The following DLGAP1 variants were observed in gnomAD, a reference collection of about 807,000 sequenced individuals.
DLGAP1 encodes DLG associated protein 1.
In DLGAP1, 11 loss-of-function variants were observed where a neutral mutation model predicts 90.8. The ratio of observed to expected loss-of-function variants is 0.12; its 90% CI spans 0.08 to 0.20. DLGAP1 has a LOEUF of 0.20. Among genes scored for constraint, DLGAP1 ranks in the 10% least tolerant of loss-of-function variants. The pLI is 1.00. For missense variants in DLGAP1, 1,050 were observed against 1,333.8 expected, an observed-to-expected ratio of 0.79 and a Z score of 3.31; for synonymous variants, 558 against 540.7, an observed-to-expected ratio of 1.03 and a Z score of -0.44.
intron 4 of DLGAP1, among the ~76,000 whole-genome samples, chr18:3,877,055 G>A (rs574140209): frequency 1.3e-5 from 2 of 152,086 alleles, no homozygotes; most frequent in East Asian, 3.9e-4. Context: ...CCAGATTGTG[G>A]GGCTTTAAAT....
At chr18:3,658,840 C>T (rs150862023) in intron 7 of DLGAP1, among the ~76,000 whole-genome samples, 49 of 152,234 alleles carry the variant, frequency 3.2e-4, no homozygotes, top group Non-Finnish European at 3.5e-4. Flanking sequence ...CAACAATGTG[C>T]TCTGATCAGT....
At chr18:4,180,797 CA>C (rs2077195062) in intron 1 of DLGAP1, among the ~76,000 whole-genome samples, 1 of 151,580 alleles carries the variant, frequency 6.6e-6, no homozygotes, top group Non-Finnish European at 1.5e-5. Flanking sequence ...CACTTCTAAC[CA>C]GGAGGAAGTA....
chr18:4,138,435 T>C (rs147262134), intron 2 of DLGAP1, among the ~76,000 whole-genome samples: 53 of 152,168 alleles, frequency 3.5e-4, no homozygotes, highest in African/African-American at 1.2e-3. Context: ...AATATTTCTA[T>C]TGATATGTTG....
chr18:4,273,726 T>C (rs1209719226), intron 1 of DLGAP1, among the ~76,000 whole-genome samples: 4 of 152,246 alleles, frequency 2.6e-5, no homozygotes, highest in Non-Finnish European at 5.9e-5. Flanking sequence ...TGAGCCACTG[T>C]GCCCCTCCTT....
intron 5 of DLGAP1, among the ~76,000 whole-genome samples, chr18:3,760,068 C>G (rs1288036174): frequency 6.6e-6 from 1 of 152,218 alleles, no homozygotes; most frequent in Non-Finnish European, 1.5e-5. Context: ...TTCCCGAGGG[C>G]AGTGACCACA....
chr18:4,392,239 A>G (rs2082354819), intron 1 of DLGAP1, among the ~76,000 whole-genome samples: 1 of 151,844 alleles, frequency 6.6e-6, no homozygotes, highest in South Asian at 2.1e-4. Flanking sequence ...ATGGATAGAG[A>G]CCTCCTGCTC....
intron 1 of DLGAP1, among the ~76,000 whole-genome samples, chr18:4,300,129 A>G (rs549173238): frequency 6.6e-6 from 1 of 152,316 alleles, no homozygotes; most frequent in Non-Finnish European, 1.5e-5. Flanking sequence ...ACTTGATTCA[A>G]TTTAACAGTG....
At chr18:3,635,411 T>C (rs1406767482) in intron 7 of DLGAP1, among the ~76,000 whole-genome samples, 1 of 151,512 alleles carries the variant, frequency 6.6e-6, no homozygotes, top group Non-Finnish European at 1.5e-5. Context: ...AGTGCTGGGA[T>C]TACAGGCGTG....
chr18:3,890,155 G>A (rs1053783363), intron 3 of DLGAP1, among the ~76,000 whole-genome samples: 11 of 152,252 alleles, frequency 7.2e-5, no homozygotes, highest in Admixed American at 7.2e-4. Flanking sequence ...TGGGGCCAAT[G>A]TGAGTCAGTC....
chr18:4,320,682 T>G (rs1331287549), intron 1 of DLGAP1, among the ~76,000 whole-genome samples: 1 of 151,706 alleles, frequency 6.6e-6, no homozygotes, highest in African/African-American at 2.4e-5. Flanking sequence ...TTCCAAGCTT[T>G]AAAACATCTG....
chr18:3,502,758 G>A, intron 11 of DLGAP1, 113 bp from the exon 12 acceptor site: 1 of 1,221,608 alleles, frequency 8.2e-7, no homozygotes, highest in East Asian at 2.4e-5. Flanking sequence ...AGTTCCTTTT[G>A]GTTTTCCGAC....
intron 1 of DLGAP1, among the ~76,000 whole-genome samples, chr18:4,272,570 T>A (rs914991777): frequency 3.9e-5 from 6 of 152,156 alleles, no homozygotes; most frequent in African/African-American, 1.4e-4. Flanking sequence ...GGCTGAGTAA[T>A]TCCAGGCTAT....
chr18:4,067,586 G>A (rs1286897358), intron 2 of DLGAP1, among the ~76,000 whole-genome samples: 1 of 143,748 alleles, frequency 7.0e-6, no homozygotes, highest in Admixed American at 6.9e-5. Flanking sequence ...TGAGAGTTTG[G>A]CATTTTTTTT....
chr18:4,299,085 CAAAAAA>C (rs35327176), intron 1 of DLGAP1, among the ~76,000 whole-genome samples: 7 of 76,336 alleles, frequency 9.2e-5, no homozygotes, highest in African/African-American at 3.1e-4. Flanking sequence ...TGTCTCAAGA[CAAAAAA>C]AAAAAAAAAA....
intron 3 of DLGAP1, chr18:3,896,955 T>G (rs2071640119): frequency 6.6e-6 from 1 of 152,316 alleles, no homozygotes; most frequent in Admixed American, 6.5e-5. Flanking sequence ...ATTCAGGCCT[T>G]GCTGGGTTCC....
Position 4,143,415 on chromosome 18 carries a change from G to A in DLGAP1, c.-159+7765C>T, listed in dbSNP as rs144158708. 7.0e-3 allele frequency among the ~76,000 whole-genome samples: 1,062 copies of A among 151,878 alleles called. 10 individuals are homozygous for A. The highest frequency in any genetic ancestry group is 0.017 in the Middle Eastern group (5 of 294). ...CACCACTGCCCAAGGCCCGTGATGAGTACTGCCAGGGTACTGCTGGTGGTC... is the reference window on the plus strand; with the variant it reads ...CACCACTGCCCAAGGCCCGTGATGAATACTGCCAGGGTACTGCTGGTGGTC... On this transcript the variant is annotated intron_variant, in intron 2 of 12. Transcript: ENST00000315677.
intron 5 of DLGAP1, among the ~76,000 whole-genome samples, chr18:3,772,175 T>TCC (rs1398834038): frequency 2.7e-5 from 4 of 148,990 alleles, no homozygotes; most frequent in African/African-American, 7.5e-5. Context: ...TCTCCTTCCT[T>TCC]TCTCTCCTTC....
intron 1 of DLGAP1, among the ~76,000 whole-genome samples, chr18:4,361,734 A>C (rs2144105260): frequency 6.6e-6 from 1 of 152,328 alleles, no homozygotes; most frequent in African/African-American, 2.4e-5. Flanking sequence ...ACAAAAAATA[A>C]TTTTATCAAT....
intron 5 of DLGAP1, among the ~76,000 whole-genome samples, chr18:3,798,169 T>C (rs1319796069): frequency 6.6e-6 from 1 of 152,208 alleles, no homozygotes; most frequent in Admixed American, 6.5e-5. Flanking sequence ...GGCAAACACA[T>C]TAGTTTAGAA....
Sources: allele counts gnomAD v4.1 joint callset (sites outside exome capture counted in the v4.1 genomes callset), GRCh38; gene constraint gnomAD v4.1.1; transcripts MANE v1.5; gene names NCBI Gene and HGNC (gene_info 2026-07-23, HGNC 2026-07-21).